Variants in LPP observed in about 807,000 individuals in gnomAD.
The protein encoded by LPP is LIM domain containing preferred translocation partner in lipoma.
In LPP, 38 loss-of-function variants were observed where a neutral mutation model predicts 60.4. The observed-to-expected ratio is 0.63, with a 90% CI of 0.49 to 0.83. The LOEUF is 0.83. LPP is among the 40% of genes least tolerant of loss of function. The probability of loss-of-function intolerance (pLI) is 0.00; values close to 1 mark genes in which losing one functional copy is unlikely to be tolerated. For synonymous variants in LPP, 328 were observed against 290.8 expected (o/e 1.13, Z -1.30); for missense variants, 902 against 783.6 (o/e 1.15, Z -1.80).
Position 188,745,135 on chromosome 3 carries a change from C to G in LPP, c.1241-14978C>G, listed in dbSNP as rs1213883699. Reference sequence around the variant, plus strand: ...AAGAATTAATAGCTTTCTTATATGACTCTCAAGATATTTCTGTGTGGTTCT... The same window carrying G: ...AAGAATTAATAGCTTTCTTATATGAGTCTCAAGATATTTCTGTGTGGTTCT... On this transcript the variant is annotated intron_variant, in intron 8 of 11. Transcript: ENST00000617246. Among the ~76,000 whole-genome samples the G allele has an allele frequency of 5.9e-5, 9 of 152,152 alleles. No individual in the cohort carries two copies. In the East Asian group the frequency reaches 7.7e-4, roughly 13 times the overall value.
At position 188,234,596 on chromosome 3, in the gene LPP, A is replaced by AT. The variant is rs1409317497; in HGVS notation, c.-67+9071dup. ...GTAGCCCATTAAGTTTTAGAAGCTGATTCTCTGACACAGAGATGGTTAAAA... is the reference window on the plus strand; with the variant it reads ...GTAGCCCATTAAGTTTTAGAAGCTGATTTCTCTGACACAGAGATGGTTAAAA... On this transcript the variant is annotated intron_variant, in intron 2 of 11. Transcript: ENST00000617246. Among the ~76,000 whole-genome samples the AT allele has an allele frequency of 5.3e-5, 8 of 152,306 alleles. No homozygotes were observed. In the East Asian group the frequency reaches 1.4e-3, roughly 26 times the overall value.
intron 1 of LPP, among the ~76,000 whole-genome samples, chr3:188,193,798 C>T (rs1160999611): frequency 6.6e-6 from 1 of 151,874 alleles, no homozygotes; most frequent in Non-Finnish European, 1.5e-5. Flanking sequence ...GCATTTGCAG[C>T]TGAGTTTATC....
At position 188,721,879 on chromosome 3, in the gene LPP, T is replaced by C. The variant is rs140152096; in HGVS notation, c.1240+13486T>C. Among the ~76,000 whole-genome samples the C allele has an allele frequency of 7.9e-5, 12 of 152,220 alleles. No individual in the cohort carries two copies. The East Asian group carries it at 2.3e-3, about 30-fold the overall frequency. On this transcript the variant is annotated intron_variant, in intron 8 of 11. Transcript: ENST00000617246. ...CTTAGGCCGGTTTCTCTTCCATAGG[T>C]CTCATCTCTCATATCACGAGATTAG...
At chr3:188,862,150 C>T (rs1032662547) in intron 9 of LPP, among the ~76,000 whole-genome samples, 9 of 152,184 alleles carry the variant, frequency 5.9e-5, no homozygotes, top group Non-Finnish European at 1.3e-4. Flanking sequence ...AGTATAAGGA[C>T]TTCCTATACT....
chr3:188,256,742 G>A (rs1016830298), intron 2 of LPP, among the ~76,000 whole-genome samples: 1 of 152,172 alleles, frequency 6.6e-6, no homozygotes. Context: ...GATAATGAGA[G>A]ATTTCAGTCT....
intron 4 of LPP, among the ~76,000 whole-genome samples, chr3:188,447,691 C>T (rs1181285343): frequency 6.7e-6 from 1 of 149,898 alleles, no homozygotes; most frequent in Non-Finnish European, 1.5e-5. Flanking sequence ...AGGAGAATCA[C>T]TTAAAACCCG....
chr3:188,866,456 A>G (rs1766631199), intron 10 of LPP, 78 bp downstream of exon 10: 2 of 1,173,494 alleles, frequency 1.7e-6, no homozygotes, highest in Non-Finnish European at 2.2e-6. Flanking sequence ...CTGGGCATAC[A>G]TTCTTCTCTC....
chr3:188,825,267 C>G lies in LPP; in HGVS notation c.1411-40933C>G, dbSNP rs62292691. 3.6e-3 allele frequency among the ~76,000 whole-genome samples: 353 copies of G among 98,962 alleles called. 3 individuals are homozygous for G. Among genetic ancestry groups the G allele is most frequent in the African/African-American group, 0.012 (329 of 28,106 alleles). The allele number at this position is 98,962 out of a possible 152,430, so 64.9% of individuals were successfully genotyped here. A position where few individuals can be genotyped will look rare whatever the true frequency, so the allele number is the denominator to read the frequency against. On this transcript the variant is annotated intron_variant, in intron 9 of 11. Coordinates refer to ENST00000617246, the MANE Select transcript of LPP (RefSeq NM_001375462.1). ...TTTCTTTCTCTCTCTCTCTCTCTCT[C>G]TCTGTGTGTGTGTGTGTGTGTGTGT...
At chr3:188,168,727 C>T (rs1448629742) in intron 1 of LPP, among the ~76,000 whole-genome samples, 1 of 152,166 alleles carries the variant, frequency 6.6e-6, no homozygotes, top group Non-Finnish European at 1.5e-5. Context: ...AAAAATTCAA[C>T]TAACTTGCCA....
At chr3:188,841,393 GT>G (rs71169023) in intron 9 of LPP, among the ~76,000 whole-genome samples, 26,119 of 112,524 alleles carry the variant, frequency 0.23, 2,538 homozygotes, top group Non-Finnish European at 0.31. Flanking sequence ...TTCTGAATTT[GT>G]TTTTTTTTTT....
chr3:188,730,554 T>C (rs1720076004), intron 8 of LPP, among the ~76,000 whole-genome samples: 1 of 152,252 alleles, frequency 6.6e-6, no homozygotes, highest in Non-Finnish European at 1.5e-5. Flanking sequence ...TTATCATATT[T>C]AACCTTTGTT....
chr3:188,399,973 C>T (rs1781859991), intron 3 of LPP, among the ~76,000 whole-genome samples: 1 of 152,144 alleles, frequency 6.6e-6, no homozygotes, highest in African/African-American at 2.4e-5. Flanking sequence ...GTCAGTTTGC[C>T]TATGGCACTA....
At chr3:188,447,366 C>G (rs894231906) in intron 4 of LPP, among the ~76,000 whole-genome samples, 18 of 152,050 alleles carry the variant, frequency 1.2e-4, no homozygotes, top group African/African-American at 4.1e-4. Flanking sequence ...AATCCCAGCA[C>G]TTTGGGAGGC....
chr3:188,588,525 A>G (rs1486782400), intron 6 of LPP, among the ~76,000 whole-genome samples: 5 of 152,340 alleles, frequency 3.3e-5, no homozygotes, highest in East Asian at 1.9e-4. Flanking sequence ...TGGAGCCACA[A>G]TGTGTAGATT....
At chr3:188,323,144 G>A (rs1029048386) in intron 2 of LPP, among the ~76,000 whole-genome samples, 7 of 152,090 alleles carry the variant, frequency 4.6e-5, no homozygotes, top group South Asian at 2.1e-4. Flanking sequence ...TGTACTGCCC[G>A]CACAGCACAA....
intron 4 of LPP, among the ~76,000 whole-genome samples, chr3:188,414,889 G>A (rs1238162560): frequency 6.6e-6 from 1 of 152,062 alleles, no homozygotes; most frequent in Admixed American, 6.6e-5. Flanking sequence ...ACACGTTTTG[G>A]GGGACTTGTT....
At chr3:188,321,966 C>A (rs1757083021) in intron 2 of LPP, among the ~76,000 whole-genome samples, 1 of 152,080 alleles carries the variant, frequency 6.6e-6, no homozygotes, top group South Asian at 2.1e-4. Context: ...ATTTAATTAC[C>A]ATTCTCATCA....
chr3:188,319,346 G>T (rs1206199658), intron 2 of LPP, among the ~76,000 whole-genome samples: 1 of 152,130 alleles, frequency 6.6e-6, no homozygotes, highest in Admixed American at 6.5e-5. Context: ...CAAAAATGTG[G>T]ATTTTTCAGT....
chr3:188,697,816 A>G (rs1863582480), intron 7 of LPP, among the ~76,000 whole-genome samples: 1 of 151,886 alleles, frequency 6.6e-6, no homozygotes, highest in Non-Finnish European at 1.5e-5. Flanking sequence ...GCTAACATAT[A>G]CTGGCCCTTT....
Sources: gnomAD v4.1 joint callset for allele counts (sites outside exome capture counted in the v4.1 genomes callset) on GRCh38, gnomAD v4.1.1 for gene constraint, MANE v1.5 for transcripts, NCBI Gene and HGNC (gene_info 2026-07-23, HGNC 2026-07-21) for gene names.